CNNM1: variants seen among roughly 807,000 people sequenced by gnomAD.
CNNM1 encodes the protein cyclin and CBS domain divalent metal cation transport mediator 1.
A neutral mutation model predicts 78.8 loss-of-function variants in CNNM1; 44 were observed. That is an observed-to-expected ratio of 0.56 (90% CI 0.44 to 0.72). The LOEUF (loss-of-function observed/expected upper bound fraction) is 0.72. Ranked by LOEUF, CNNM1 falls within the 30% of genes least tolerant of loss-of-function variation. CNNM1 has a pLI of 0.00. For synonymous variants in CNNM1, 584 were observed against 581.5 expected (o/e 1.00, Z -0.06); for missense variants, 1,101 against 1,292.2 (o/e 0.85, Z 2.27).
intron 1 of CNNM1, among the ~76,000 whole-genome samples, chr10:99,353,833 A>G (rs1342064158): frequency 1.3e-5 from 2 of 152,216 alleles, no homozygotes; most frequent in African/African-American, 4.8e-5. Context: ...ACCTAGGTAC[A>G]TTATCTTAAA....
intron 1 of CNNM1, among the ~76,000 whole-genome samples, chr10:99,339,351 C>T (rs959743091): frequency 7.9e-5 from 12 of 152,218 alleles, no homozygotes; most frequent in South Asian, 4.1e-4. Flanking sequence ...AAAATATCCT[C>T]TTCCATCTTT....
rs1331665447 is a variant in CNNM1 at position 99,387,688 on chromosome 10, T to G, written c.2341-132T>G. 3.5e-6 allele frequency: 3 copies of G among 849,146 alleles called. No individual in the cohort carries two copies. In the East Asian group the frequency reaches 8.5e-5, roughly 24 times the overall value. The allele number at this position is 849,146 out of a possible 1,614,324, so 52.6% of individuals were successfully genotyped here. A position where few individuals can be genotyped will look rare whatever the true frequency, so the allele number is the denominator to read the frequency against. On this transcript the variant is annotated intron_variant, in intron 7 of 10. Transcript: ENST00000356713. ...GCTACAGCGTGGGTAAGGCCCCCAT[T>G]CGTGGATCTCAGGCCTCAGAGGCCG...
intron 4 of CNNM1, among the ~76,000 whole-genome samples, chr10:99,363,223 C>G (rs188408285): frequency 3.7e-4 from 56 of 152,334 alleles, no homozygotes; most frequent in Non-Finnish European, 7.1e-4. Flanking sequence ...TTACTGTCCA[C>G]TTCCAGCCTC....
intron 6 of CNNM1, chr10:99,368,702 G>A (rs758446864): frequency 1.8e-5 from 23 of 1,288,384 alleles, no homozygotes; most frequent in Admixed American, 9.2e-5. Flanking sequence ...TGGGTGTCTC[G>A]GGTCTCTGTA....
rs991417623 is a variant in CNNM1 at position 99,360,706 on chromosome 10, G to C, written c.1718-129G>C. On this transcript the variant is annotated intron_variant, in intron 2 of 10. Transcript: ENST00000356713. Reference sequence around the variant, plus strand: ...TCACCAACATCCTTCTACTTCCTGGGTGATATTGTGATGTCACCCATAGTT... The same window carrying C: ...TCACCAACATCCTTCTACTTCCTGGCTGATATTGTGATGTCACCCATAGTT... The C allele has an allele frequency of 1.4e-5, 17 of 1,189,154 alleles. No individual in the cohort carries two copies. In the Middle Eastern group the frequency reaches 7.3e-4, roughly 51 times the overall value. The allele number at this position is 1,189,154 out of a possible 1,614,324, so 73.7% of individuals were successfully genotyped here.
chr10:99,346,953 A>C (rs1371173974), intron 1 of CNNM1, among the ~76,000 whole-genome samples: 1 of 152,120 alleles, frequency 6.6e-6, no homozygotes, highest in African/African-American at 2.4e-5. Context: ...TGAACGCAGA[A>C]ACAGAAAACC....
Position 99,388,262 on chromosome 10 carries a change from C to A in CNNM1, c.2635C>A (p.Gln879Lys). The part of the protein sequence containing the change: ...MTDFEEHSTQ[Q>K]LTLSPAAVPT... ...TGACTTCGAGGAGCACAGCACACAG[C>A]AGCTCACGCTGTCTCCTGCAGCCGT... Residue 879 changes from glutamine (Q) to lysine (K), a missense_variant, in exon 9 of 11, where the codon CAG becomes AAG. Gln to Lys is a moderately conservative substitution (Grantham distance 53, BLOSUM62 1). Coordinates refer to ENST00000356713, the MANE Select transcript of CNNM1 (RefSeq NM_020348.3). 6.2e-7 allele frequency: 1 copy of A among 1,613,904 alleles called. No homozygotes were observed. The highest frequency in any genetic ancestry group is 8.5e-7 in the Non-Finnish European group (1 of 1,179,870).
chr10:99,356,412 G>T (rs368557670), intron 1 of CNNM1, among the ~76,000 whole-genome samples: 18 of 151,532 alleles, frequency 1.2e-4, no homozygotes, highest in East Asian at 1.2e-3. Flanking sequence ...GAAGGCGGAG[G>T]TTGCAGTGAG....
intron 4 of CNNM1, among the ~76,000 whole-genome samples, chr10:99,363,060 GC>G (rs1209856740): frequency 6.6e-6 from 1 of 152,222 alleles, no homozygotes; most frequent in Non-Finnish European, 1.5e-5. Flanking sequence ...CATGATTGCA[GC>G]TTGTAACACT....
At chr10:99,368,716 C>T (rs2134059375) in intron 6 of CNNM1, 1 of 1,277,880 alleles carries the variant, frequency 7.8e-7, no homozygotes, top group East Asian at 5.6e-5. Flanking sequence ...CTCTGTAGAT[C>T]CAGAGGGGTT....
intron 1 of CNNM1, among the ~76,000 whole-genome samples, chr10:99,355,293 G>C (rs929783729): frequency 6.9e-6 from 1 of 144,928 alleles, no homozygotes; most frequent in African/African-American, 2.5e-5. Context: ...GGGGAGGGGG[G>C]AAGGATAGCA....
At chr10:99,345,519 A>G (rs758409248) in intron 1 of CNNM1, among the ~76,000 whole-genome samples, 8 of 152,126 alleles carry the variant, frequency 5.3e-5, no homozygotes, top group Non-Finnish European at 8.8e-5. Flanking sequence ...TTGCCTTTCA[A>G]TGTATCCTCC....
chr10:99,349,524 A>T (rs1383694286), intron 1 of CNNM1, among the ~76,000 whole-genome samples: 1 of 152,216 alleles, frequency 6.6e-6, no homozygotes, highest in Admixed American at 6.5e-5. Flanking sequence ...TCACCTGGAG[A>T]TATTGAGGAA....
At position 99,388,283 on chromosome 10, in the gene CNNM1, G is replaced by A. The variant is rs761299221; in HGVS notation, c.2656G>A (p.Ala886Thr). 2.5e-6 allele frequency: 4 copies of A among 1,613,750 alleles called. No individual in the cohort carries two copies. The highest frequency in any genetic ancestry group is 8.5e-7 in the Non-Finnish European group (1 of 1,179,838). Reference protein sequence around the residue: ...STQQLTLSPAAVPTRAASDSE... With the variant: ...STQQLTLSPATVPTRAASDSE... ...ACAGCAGCTCACGCTGTCTCCTGCAGCCGTTCCCACGAGAGCAGGTCAGGG... is the reference window on the plus strand; with the variant it reads ...ACAGCAGCTCACGCTGTCTCCTGCAACCGTTCCCACGAGAGCAGGTCAGGG... Residue 886 changes from alanine (A) to threonine (T), a missense_variant, in exon 9 of 11, where the codon GCC becomes ACC. Ala to Thr is a moderately conservative substitution (Grantham distance 58). This residue lies in a region of CNNM1 where 348 missense variants were observed against 384.5 expected (regional missense o/e 0.90). Transcript: ENST00000356713.
At chr10:99,332,883 C>T (rs2029982075) in intron 1 of CNNM1, among the ~76,000 whole-genome samples, 1 of 152,210 alleles carries the variant, frequency 6.6e-6, no homozygotes, top group South Asian at 2.1e-4. Context: ...CCCACTGCAA[C>T]TTGAGGTTCA....
chr10:99,354,753 G>T (rs1010121358), intron 1 of CNNM1, among the ~76,000 whole-genome samples: 14 of 152,108 alleles, frequency 9.2e-5, no homozygotes, highest in Admixed American at 2.0e-4. Flanking sequence ...AGGAAATGGT[G>T]GTAACCTGGT....
At chr10:99,377,271 G>T in intron 7 of CNNM1, 53 bp downstream of exon 7, 1 of 1,561,332 alleles carries the variant, frequency 6.4e-7, no homozygotes, top group Non-Finnish European at 8.8e-7. Context: ...GTGTTGGCTG[G>T]CTGAGCGGGA....
At chr10:99,349,752 G>A (rs1938059697) in intron 1 of CNNM1, among the ~76,000 whole-genome samples, 1 of 152,198 alleles carries the variant, frequency 6.6e-6, no homozygotes, top group African/African-American at 2.4e-5. Flanking sequence ...CGTAATCCCA[G>A]CACTTTGGGA....
At chr10:99,352,235 T>G (rs1052450829) in intron 1 of CNNM1, among the ~76,000 whole-genome samples, 1 of 152,248 alleles carries the variant, frequency 6.6e-6, no homozygotes, top group Non-Finnish European at 1.5e-5. Flanking sequence ...GCATATGGCC[T>G]TTTGTGTCTG....
Sources: gnomAD v4.1 joint callset for allele counts (sites outside exome capture counted in the v4.1 genomes callset) on GRCh38, gnomAD v4.1.1 for gene constraint, gnomAD v4.1.1 regional missense constraint, MANE v1.5 for transcripts, NCBI Gene and HGNC (gene_info 2026-07-23, HGNC 2026-07-21) for gene names.